The following APBB2 variants were observed in gnomAD, a reference collection of about 807,000 sequenced individuals.
APBB2 encodes the protein amyloid beta precursor protein binding family B member 2, also known as Fe65-like 1.
Under a neutral mutation model 82.5 loss-of-function variants are expected in APBB2, and 38 were observed. That is an observed-to-expected ratio of 0.46 (90% CI 0.36 to 0.60). The LOEUF (loss-of-function observed/expected upper bound fraction) is 0.60. Among genes scored for constraint, APBB2 ranks in the 20% least tolerant of loss-of-function variants. APBB2 has a pLI of 0.00. For missense variants in APBB2, 772 were observed against 972.3 expected, an observed-to-expected ratio of 0.79 and a Z score of 2.74; for synonymous variants, 341 against 368.2, an observed-to-expected ratio of 0.93 and a Z score of 0.85.
intron 10 of APBB2, among the ~76,000 whole-genome samples, chr4:40,908,607 C>T (rs997009690): frequency 1.3e-5 from 2 of 152,048 alleles, no homozygotes; most frequent in East Asian, 3.9e-4. Flanking sequence ...CGGCTGGCAC[C>T]GGAGCCCAGG....
rs1438682752 is a variant in APBB2, at chr4:41,066,133, T to C, written c.-148-460A>G. On this transcript the variant is annotated intron_variant, in intron 3 of 17. Coordinates refer to ENST00000508593, the MANE Select transcript of APBB2 (RefSeq NM_004307.2). Reference sequence around the variant, plus strand: ...TTGGAGAGGTTAGATGTCATGTTGATTGGAAAAAAAAAAAAACTTTTCAGT... The same window carrying C: ...TTGGAGAGGTTAGATGTCATGTTGACTGGAAAAAAAAAAAAACTTTTCAGT... Among the ~76,000 whole-genome samples the C allele has an allele frequency of 5.7e-5, 6 of 105,016 alleles. No individual in the cohort carries two copies. In the East Asian group the frequency reaches 9.7e-4, roughly 17 times the overall value. 68.9% of individuals were successfully genotyped at this position (105,016 alleles called of 152,430 possible).
intron 12 of APBB2, among the ~76,000 whole-genome samples, chr4:40,836,418 A>C (rs1753961211): frequency 2.0e-5 from 3 of 152,230 alleles, no homozygotes; most frequent in Admixed American, 1.3e-4. Flanking sequence ...TGGAGGTTGC[A>C]GTAGGCTGAG....
rs1462504518 is a variant in APBB2 at position 41,057,308 on chromosome 4, G to T, written c.-51+8268C>A. Among the ~76,000 whole-genome samples, 4 of 152,128 alleles carry T rather than the reference G, an allele frequency of 2.6e-5. No homozygotes were observed. In the East Asian group the frequency reaches 7.7e-4, roughly 29 times the overall value. ...TCTACTAAAAATACAAAAATTAGCTGGGTGTGGTGGTGGGCACCTGTAATC... is the reference window on the plus strand; with the variant it reads ...TCTACTAAAAATACAAAAATTAGCTTGGTGTGGTGGTGGGCACCTGTAATC... On this transcript the variant is annotated intron_variant, in intron 4 of 17. Transcript: ENST00000508593.
At chr4:40,902,066 T>C (rs1775454633) in intron 10 of APBB2, among the ~76,000 whole-genome samples, 1 of 152,208 alleles carries the variant, frequency 6.6e-6, no homozygotes, top group Non-Finnish European at 1.5e-5. Flanking sequence ...CAAAATGACC[T>C]ACCTCGAATA....
intron 1 of APBB2, among the ~76,000 whole-genome samples, chr4:41,185,677 T>A (rs1772706439): frequency 6.6e-6 from 1 of 152,230 alleles, no homozygotes; most frequent in African/African-American, 2.4e-5. Flanking sequence ...ACATCTTAAT[T>A]GCATTTGGCT....
intron 1 of APBB2, among the ~76,000 whole-genome samples, chr4:41,168,495 T>C: frequency 6.6e-6 from 1 of 151,980 alleles, no homozygotes; most frequent in Admixed American, 6.6e-5. Context: ...CCTGCCACCA[T>C]GCCCAGCGAA....
chr4:41,068,002 G>A (rs1277592158), intron 3 of APBB2, among the ~76,000 whole-genome samples: 1 of 152,142 alleles, frequency 6.6e-6, no homozygotes, highest in Non-Finnish European at 1.5e-5. Context: ...GTGGGCCAAA[G>A]GGTCAGGAGT....
At chr4:41,128,632 C>T (rs1324484206) in intron 2 of APBB2, among the ~76,000 whole-genome samples, 2 of 152,198 alleles carry the variant, frequency 1.3e-5, no homozygotes, top group African/African-American at 4.8e-5. Context: ...CAAACAATGG[C>T]TGAGATTATA....
rs776347567 is a variant in APBB2, at chr4:41,013,644, C to T, written c.774G>A (p.Glu258=). The T allele has an allele frequency of 6.2e-7, 1 of 1,614,242 alleles. No individual in the cohort carries two copies. The highest frequency in any genetic ancestry group is 1.7e-5 in the Admixed American group (1 of 60,034). The change falls in exon 6 of 18, where the codon GAG becomes GAA. Residue 258 remains glutamate (E), a synonymous_variant. Transcript: ENST00000508593. ...HRIQNLAPSD[E]ESSWTTLSQD... ...GGGACAACGTTGTCCAGCTGGACTC[C>T]TCATCGCTCGGTGCCAGGTTCTGGA...
At chr4:40,991,846 T>C (rs554858098) in intron 6 of APBB2, among the ~76,000 whole-genome samples, 75 of 152,280 alleles carry the variant, frequency 4.9e-4, no homozygotes, top group African/African-American at 1.7e-3. Context: ...GTCTCATCCC[T>C]TCAGAAGGTG....
chr4:41,188,407 T>C (rs1178369397), intron 1 of APBB2, among the ~76,000 whole-genome samples: 1 of 152,176 alleles, frequency 6.6e-6, no homozygotes, highest in Non-Finnish European at 1.5e-5. Flanking sequence ...CCAAATGTGA[T>C]GGTACTGGGA....
At chr4:41,083,334 T>C (rs186678406) in intron 3 of APBB2, among the ~76,000 whole-genome samples, 1 of 152,200 alleles carries the variant, frequency 6.6e-6, no homozygotes, top group East Asian at 1.9e-4. Flanking sequence ...AAAATATACT[T>C]GTTAAAGTAT....
At chr4:41,007,524 C>CA (rs1807089560) in intron 6 of APBB2, among the ~76,000 whole-genome samples, 1 of 152,122 alleles carries the variant, frequency 6.6e-6, no homozygotes, top group Non-Finnish European at 1.5e-5. Flanking sequence ...GCCCTCCCAA[C>CA]ATATAGACCT....
chr4:41,004,273 G>GT (rs1259653935), intron 6 of APBB2, among the ~76,000 whole-genome samples: 1 of 152,080 alleles, frequency 6.6e-6, no homozygotes, highest in Non-Finnish European at 1.5e-5. Context: ...TACACCAGCC[G>GT]TAAGAAACCA....
rs371627827 is a variant in APBB2, at chr4:41,061,349, T to C, written c.-51+4227A>G. Among the ~76,000 whole-genome samples the C allele has an allele frequency of 5.2e-4, 79 of 152,194 alleles. 1 individual carries two copies. The highest frequency in any genetic ancestry group is 1.7e-3 in the African/African-American group (72 of 41,500). Reference sequence around the variant, plus strand: ...TTGCTGTGCAAACATCACCATGGAGTGTTCTTACACAAACCTAGATGGTAC... The same window carrying C: ...TTGCTGTGCAAACATCACCATGGAGCGTTCTTACACAAACCTAGATGGTAC... On this transcript the variant is annotated intron_variant, in intron 4 of 17. Coordinates refer to ENST00000508593, the MANE Select transcript of APBB2 (RefSeq NM_004307.2).
At chr4:41,110,670 G>T (rs1055043691) in intron 2 of APBB2, among the ~76,000 whole-genome samples, 6 of 151,218 alleles carry the variant, frequency 4.0e-5, no homozygotes, top group Non-Finnish European at 7.4e-5. Flanking sequence ...TTTTAGGCAA[G>T]ACTGACAGAA....
chr4:41,013,872 G>A lies in APBB2; in HGVS notation c.546C>T (p.His182=), dbSNP rs368843624. 6.6e-5 allele frequency: 107 copies of A among 1,614,052 alleles called. 1 individual carries two copies. Among genetic ancestry groups the A allele is most frequent in the Middle Eastern group, 1.6e-4 (1 of 6,084 alleles). ...GGGATTTCTCTTCCGCAGTCCCATG[G>A]TGATTGCCTCGGTTCTGCTCTAGTT... ...ARELEQNRGN[H]HGTAEEKSQP... The change falls in exon 6 of 18, where the codon CAC becomes CAT. Residue 182 remains histidine, a synonymous_variant. Transcript: ENST00000508593.
intron 6 of APBB2, among the ~76,000 whole-genome samples, chr4:40,961,533 T>C (rs200803251): frequency 3.0e-4 from 45 of 147,754 alleles, no homozygotes; most frequent in African/African-American, 1.1e-3. Context: ...TTGGGAGATA[T>C]ACCTAATGCT....
In APBB2 at chr4:41,122,989, C is replaced by T. The variant is rs147752027; in HGVS notation, c.-261+19998G>A. ...GGGCCTATGCCCCTGCAGTTCCCTCCACCTGGAATGCCACCTCCTGAGTCT... is the reference window on the plus strand; with the variant it reads ...GGGCCTATGCCCCTGCAGTTCCCTCTACCTGGAATGCCACCTCCTGAGTCT... On this transcript the variant is annotated intron_variant, in intron 2 of 17. Transcript: ENST00000508593. 1.3e-4 allele frequency among the ~76,000 whole-genome samples: 20 copies of T among 152,270 alleles called. No individual in the cohort carries two copies. The East Asian group carries it at 3.9e-3, about 29-fold the overall frequency.
Sources: gnomAD v4.1 joint callset for allele counts (sites outside exome capture counted in the v4.1 genomes callset) on GRCh38, gnomAD v4.1.1 for gene constraint, MANE v1.5 for transcripts, NCBI Gene and HGNC (gene_info 2026-07-23, HGNC 2026-07-21) for gene names.